The following MAGEA11 variants were observed in gnomAD, a reference collection of about 807,000 sequenced individuals.
MAGEA11 encodes the protein melanoma-associated antigen 11.
MAGEA11 carries 1 observed loss-of-function variant against 8.4 expected under a neutral mutation model. The observed-to-expected ratio is 0.12, with a 90% CI of 0.04 to 0.57. The LOEUF is 0.57. Among genes scored for constraint, MAGEA11 ranks in the 20% least tolerant of loss-of-function variants. The pLI, the probability that MAGEA11 is intolerant of heterozygous loss-of-function variation, is 0.91. For synonymous variants in MAGEA11, 127 were observed against 119.3 expected, an observed-to-expected ratio of 1.06 and a Z score of -0.42; for missense variants, 209 against 317.3, an observed-to-expected ratio of 0.66 and a Z score of 2.59.
At chrX:149,715,277 G>GC (rs1387504982) in intron 3 of MAGEA11, among the ~76,000 whole-genome samples, 5 of 111,850 alleles carry the variant, frequency 4.5e-5, no homozygotes, top group Non-Finnish European at 9.4e-5. Context: ...ACAGAGTTTG[G>GC]CCCACCTTTC....
upstream of MAGEA11, among the ~76,000 whole-genome samples, chrX:149,710,990 G>A (rs1467502582): frequency 9.0e-6 from 1 of 111,118 alleles, no homozygotes; most frequent in Admixed American, 9.6e-5. Flanking sequence ...AGAAAGAAAT[G>A]TTTAAAATTC....
At chrX:149,711,344 A>G (rs1753743336), upstream of MAGEA11, among the ~76,000 whole-genome samples, 2 of 112,114 alleles carry the variant, frequency 1.8e-5, no homozygotes, top group South Asian at 7.4e-4. Context: ...GACTTCCGCA[A>G]ATTTCTTGCA....
chrX:149,690,058 G>A (rs1283692810), intron 1 of MAGEA11, among the ~76,000 whole-genome samples: 5 of 111,938 alleles, frequency 4.5e-5, no homozygotes, highest in Non-Finnish European at 9.4e-5. Flanking sequence ...AGAGGCCCCT[G>A]CTACTGCCTA....
In MAGEA11 at chrX:149,693,423, G is replaced by A. The variant is rs372968152; in HGVS notation, c.9+4439G>A. Among the ~76,000 whole-genome samples, 907 of 111,375 alleles carry A rather than the reference G, an allele frequency of 8.1e-3. 7 individuals are homozygous for A. The highest frequency in any genetic ancestry group is 0.028 in the African/African-American group (867 of 30,599). ...TGTCTCTACCTGTGTGCAGAGTGAG[G>A]TCTATCATGTGAGAGTGTTATATCA... is the stretch of plus-strand genomic sequence containing the variant. On this transcript the variant is annotated intron_variant, in intron 1 of 3. Coordinates refer to the MAGEA11 transcript ENST00000333104.
At chrX:149,688,638 A>G (rs1557359861), upstream of MAGEA11, among the ~76,000 whole-genome samples, 1 of 107,755 alleles carries the variant, frequency 9.3e-6, no homozygotes, top group African/African-American at 3.4e-5. Context: ...TGATATATGT[A>G]TGTACATATA....
intron 1 of MAGEA11, among the ~76,000 whole-genome samples, chrX:149,704,276 C>G (rs782614797): frequency 1.8e-5 from 2 of 112,120 alleles, no homozygotes; most frequent in Non-Finnish European, 3.8e-5. Context: ...ATTGAGAGCT[C>G]CAGATGGGCT....
rs1398541095 is a variant in MAGEA11 at position 149,714,400 on chromosome X, C to T, written c.97-81C>T. On this transcript the variant is annotated intron_variant, in intron 2 of 4. Coordinates refer to ENST00000355220, the MANE Select transcript of MAGEA11 (RefSeq NM_005366.5). ...AATCCCCAGAACCGAAGGGTCCAGC[C>T]TCTGCTGTCAGCCCTGGACAACCAC... The T allele has an allele frequency of 1.2e-5, 14 of 1,158,909 alleles. No individual in the cohort carries two copies. The African/African-American group carries it at 1.8e-4, about 15-fold the overall frequency.
At chrX:149,704,886 G>A (rs893104491) in intron 1 of MAGEA11, among the ~76,000 whole-genome samples, 4 of 112,788 alleles carry the variant, frequency 3.5e-5, no homozygotes, top group African/African-American at 6.4e-5. Context: ...CAAGTAGGAC[G>A]GAGCGCAGTG....
upstream of MAGEA11, among the ~76,000 whole-genome samples, chrX:149,711,029 G>T (rs910226802): frequency 9.0e-6 from 1 of 111,309 alleles, no homozygotes; most frequent in Admixed American, 9.5e-5. Context: ...GAAAACTCGG[G>T]TAGGGTCTCA....
intron 1 of MAGEA11, among the ~76,000 whole-genome samples, chrX:149,701,774 C>T (rs374505074): frequency 1.8e-5 from 2 of 110,942 alleles, no homozygotes; most frequent in Non-Finnish European, 3.8e-5. Flanking sequence ...CAGTTTCAGC[C>T]TTCTACATAT....
At position 149,716,245 on chromosome X, in the gene MAGEA11, C is replaced by T; in HGVS notation, c.759C>T (p.Ile253=). The part of the protein sequence containing the change: ...ITKAEMLGSV[I]KNYEDYFPEI... ...AGGCAGAAATGCTGGGGAGTGTCAT[C>T]AAAAATTATGAGGACTACTTTCCTG... The change falls in exon 5 of 5, where the codon ATC becomes ATT. Residue 253 remains isoleucine, a synonymous_variant. Coordinates refer to ENST00000355220, the MANE Select transcript of MAGEA11 (RefSeq NM_005366.5). 8.3e-7 allele frequency: 1 copy of T among 1,211,911 alleles called. No homozygotes were observed. The highest frequency in any genetic ancestry group is 1.1e-6 in the Non-Finnish European group (1 of 895,508).
At chrX:149,714,395 C>T in intron 2 of MAGEA11, 86 bp from the exon 3 acceptor site, 1 of 1,153,219 alleles carries the variant, frequency 8.7e-7, no homozygotes, top group East Asian at 3.1e-5. Flanking sequence ...ACCGAAGGGT[C>T]CAGCCTCTGC....
At chrX:149,713,108 C>T (rs1261023410) in intron 1 of MAGEA11, 35 bp from the exon 2 acceptor site, 1 of 977,229 alleles carries the variant, frequency 1.0e-6, no homozygotes, top group Admixed American at 2.2e-5. Context: ...CCCCCATAGT[C>T]CCGCCGTCTC....
At chrX:149,700,432 T>G (rs5940682) in intron 1 of MAGEA11, among the ~76,000 whole-genome samples, 34,421 of 110,933 alleles carry the variant, frequency 0.31, 4,846 homozygotes, top group East Asian at 0.95. Context: ...AAATATTTTC[T>G]AATTTCCTTT....
upstream of MAGEA11, among the ~76,000 whole-genome samples, chrX:149,707,831 C>T (rs1389321081): frequency 8.9e-6 from 1 of 112,167 alleles, no homozygotes; most frequent in East Asian, 2.8e-4. Flanking sequence ...TTTTGCCTAA[C>T]CAGTCTTAAT....
intron 1 of MAGEA11, among the ~76,000 whole-genome samples, chrX:149,698,391 G>A (rs781896988): frequency 1.7e-4 from 19 of 110,906 alleles, no homozygotes; most frequent in African/African-American, 6.2e-4. Flanking sequence ...ATGATCAAAT[G>A]CATTTTCCTT....
In MAGEA11 at chrX:149,704,597, G is replaced by T. The variant is rs1475805574; in HGVS notation, c.10-9884G>T. 4.5e-5 allele frequency among the ~76,000 whole-genome samples: 5 copies of T among 112,144 alleles called. 1 individual carries two copies. The highest frequency in any genetic ancestry group is 5.6e-5 in the Non-Finnish European group (3 of 53,204). On this transcript the variant is annotated intron_variant, in intron 1 of 3. Coordinates refer to the MAGEA11 transcript ENST00000333104. ...AGCAGGCTTAGAACCTCAAATATATGCCAGGAAGTCCAGCCTCCAGGAAGA... is the reference window on the plus strand; with the variant it reads ...AGCAGGCTTAGAACCTCAAATATATTCCAGGAAGTCCAGCCTCCAGGAAGA...
intron 1 of MAGEA11, among the ~76,000 whole-genome samples, chrX:149,693,207 G>T (rs2090317364): frequency 8.9e-6 from 1 of 112,225 alleles, no homozygotes. Flanking sequence ...TTTATTGAAT[G>T]CCAGTCCTCA....
chrX:149,702,185 G>C (rs2090357193), intron 1 of MAGEA11, among the ~76,000 whole-genome samples: 1 of 111,562 alleles, frequency 9.0e-6, no homozygotes, highest in Non-Finnish European at 1.9e-5. Flanking sequence ...TGGGGGTTAG[G>C]TCTGGCTGGT....
Sources: allele counts gnomAD v4.1 joint callset (sites outside exome capture counted in the v4.1 genomes callset), GRCh38; gene constraint gnomAD v4.1.1; transcripts MANE v1.5; gene names NCBI Gene and HGNC (gene_info 2026-07-23, HGNC 2026-07-21).